The following AP2A2 variants were observed in gnomAD, a reference collection of about 807,000 sequenced individuals.
The protein encoded by AP2A2 is AP-2 complex subunit alpha-2.
In AP2A2, 32 loss-of-function variants were observed where a neutral mutation model predicts 104.2. The observed-to-expected ratio is 0.31, with a 90% CI of 0.23 to 0.41. AP2A2 has a LOEUF of 0.41. Among genes scored for constraint, AP2A2 ranks in the 10% least tolerant of loss-of-function variants. AP2A2 has a pLI of 1.00. For missense variants in AP2A2, 912 were observed against 1,261.0 expected, an observed-to-expected ratio of 0.72 and a Z score of 4.19; for synonymous variants, 539 against 533.3, an observed-to-expected ratio of 1.01 and a Z score of -0.15.
At chr11:979,564 A>G (rs1188793444) in intron 5 of AP2A2, among the ~76,000 whole-genome samples, 1 of 152,114 alleles carries the variant, frequency 6.6e-6, no homozygotes, top group Non-Finnish European at 1.5e-5. Flanking sequence ...CAGTCATTCA[A>G]GTAGACATTT....
At position 968,179 on chromosome 11, in the gene AP2A2, T is replaced by C. The variant is rs1255172596; in HGVS notation, c.137-1990T>C. Among the ~76,000 whole-genome samples, 6 of 152,198 alleles carry C rather than the reference T, an allele frequency of 3.9e-5. No individual in the cohort carries two copies. The highest frequency in any genetic ancestry group is 2.1e-4 in the South Asian group (1 of 4,828). The stretch of plus-strand genomic sequence containing the variant: ...GAGCACTGTGGCTTTCTCCTCGCGC[T>C]GGCGACTTCCGCTGCCCCTCACGGT... On this transcript the variant is annotated intron_variant, in intron 2 of 21. Transcript: ENST00000448903. The surrounding 1 kb of genome is among the most constrained non-coding windows in gnomAD (Gnocchi z 4.2).
chr11:941,780 G>T (rs1853654384), intron 1 of AP2A2, among the ~76,000 whole-genome samples: 1 of 151,476 alleles, frequency 6.6e-6, no homozygotes, highest in African/African-American at 2.4e-5. Flanking sequence ...TAGACATGGG[G>T]TTTTGCCATG....
At chr11:970,439 C>A in intron 3 of AP2A2, 128 bp downstream of exon 3, 2 of 1,196,926 alleles carry the variant, frequency 1.7e-6, no homozygotes, top group Non-Finnish European at 2.3e-6. Context: ...GGGTCTGCTG[C>A]AGATGGAGAC....
chr11:995,903 C>T (rs1165933875), intron 14 of AP2A2, among the ~76,000 whole-genome samples: 1 of 150,564 alleles, frequency 6.6e-6, no homozygotes, highest in Non-Finnish European at 1.5e-5. Context: ...AAAGATGTGA[C>T]TCTTTCTCCC....
chr11:994,175 A>G lies in AP2A2; in HGVS notation c.1886A>G (p.Asp629Gly), dbSNP rs1306749304. Reference protein sequence around the residue: ...KGPSTVTDLEDTKRDRSVDVN... With the variant: ...KGPSTVTDLEGTKRDRSVDVN... Reference sequence around the variant, plus strand: ...CCCAGCACGGTGACAGACCTGGAGGACACCAAGCGGGACAGGAGTGTGGAC... The same window carrying G: ...CCCAGCACGGTGACAGACCTGGAGGGCACCAAGCGGGACAGGAGTGTGGAC... The change falls in exon 14 of 22, where the codon GAC becomes GGC. Residue 629 changes from aspartate (D) to glycine (G), a missense_variant. Around this residue, in one of 7 missense-constraint regions of AP2A2, gnomAD observed 105 missense variants for 90.9 expected, o/e 1.16. Transcript: ENST00000448903. 6.2e-7 allele frequency: 1 copy of G among 1,613,028 alleles called. No homozygotes were observed. Among genetic ancestry groups the G allele is most frequent in the Admixed American group, 1.7e-5 (1 of 60,016 alleles).
Position 1,000,565 on chromosome 11 carries a change from C to T in AP2A2, c.2090C>T (p.Pro697Leu). The T allele has an allele frequency of 1.3e-6, 2 of 1,550,520 alleles. No individual in the cohort carries two copies. Among genetic ancestry groups the T allele is most frequent in the African/African-American group, 1.4e-5 (1 of 73,798 alleles). Residue 697 changes from proline (P) to leucine (L), a missense_variant, in exon 15 of 22, where the codon CCT becomes CTT. Physicochemically the swap from Pro to Leu is moderately conservative, Grantham distance 98. Transcript: ENST00000448903. ...TCAGACTCGGCCTCTGTGGTCGCGC[C>T]TCTCGCTCCTGGCTCCGAAGACAAC... ...VFSDSASVVA[P>L]LAPGSEDNFA...
chr11:952,889 G>A (rs1028810588), intron 1 of AP2A2, among the ~76,000 whole-genome samples: 2 of 152,142 alleles, frequency 1.3e-5, no homozygotes, highest in Admixed American at 1.3e-4. Flanking sequence ...CTCCTGTGAG[G>A]CCCTCTGCCT....
chr11:994,278 G>A (rs755926650), intron 14 of AP2A2, 33 bp downstream of exon 14: 1 of 1,607,296 alleles, frequency 6.2e-7, no homozygotes, highest in Admixed American at 1.7e-5. Flanking sequence ...ACCCAGACCT[G>A]TCAGGGCCTC....
In AP2A2 at chr11:1,008,007, C is replaced by T. The variant is rs776319924; in HGVS notation, c.2297-5C>T. ...TTGCTCAGCTGGATTCCTTAACGCACGCACACCTGAACCTGCAGACCAAGC... is the reference window on the plus strand; with the variant it reads ...TTGCTCAGCTGGATTCCTTAACGCATGCACACCTGAACCTGCAGACCAAGC... On this transcript the variant is annotated splice_polypyrimidine_tract_variant and splice_region_variant and intron_variant, in intron 17 of 21. Transcript: ENST00000448903. 2.4e-5 allele frequency: 37 copies of T among 1,555,070 alleles called. No individual in the cohort carries two copies. The highest frequency in any genetic ancestry group is 1.7e-4 in the Middle Eastern group (1 of 6,016).
At chr11:1,004,450 G>A (rs971209917) in intron 16 of AP2A2, among the ~76,000 whole-genome samples, 35 of 152,224 alleles carry the variant, frequency 2.3e-4, no homozygotes, top group African/African-American at 8.2e-4. Context: ...TACAGCCTGG[G>A]CAACAGAGTG....
intron 10 of AP2A2, among the ~76,000 whole-genome samples, chr11:990,573 C>G (rs1240125965): frequency 6.6e-6 from 1 of 152,198 alleles, no homozygotes; most frequent in African/African-American, 2.4e-5. Context: ...GAGCGGCAAT[C>G]CTCAGCCAGC....
rs1856402712 is a variant in AP2A2 at position 1,010,816 on chromosome 11, C to T, written c.*191C>T. 1.5e-6 allele frequency: 1 copy of T among 660,286 alleles called. No homozygotes were observed. The highest frequency in any genetic ancestry group is 2.7e-6 in the Non-Finnish European group (1 of 364,370). The allele number at this position is 660,286 out of a possible 1,614,324, so 40.9% of individuals were successfully genotyped here. ...CGTGTGTGGCTCAGGAGGAAAAGCTCAGCCTGGACTGTGGCAGCCACGGCA... is the reference window on the plus strand; with the variant it reads ...CGTGTGTGGCTCAGGAGGAAAAGCTTAGCCTGGACTGTGGCAGCCACGGCA... On this transcript the variant is annotated 3_prime_UTR_variant, in exon 22 of 22. Coordinates refer to ENST00000448903, the MANE Select transcript of AP2A2 (RefSeq NM_012305.4).
At chr11:991,658 C>G (rs927815255) in intron 10 of AP2A2, among the ~76,000 whole-genome samples, 1 of 127,686 alleles carries the variant, frequency 7.8e-6, no homozygotes, top group Non-Finnish European at 1.6e-5. Flanking sequence ...GGAAGTGTCA[C>G]GGAGTCAGGT....
At chr11:939,538 A>C (rs1478604085) in intron 1 of AP2A2, among the ~76,000 whole-genome samples, 1 of 151,594 alleles carries the variant, frequency 6.6e-6, no homozygotes, top group Non-Finnish European at 1.5e-5. Context: ...TCTGCCTCTC[A>C]GGTTCAAGTG....
intron 9 of AP2A2, 138 bp downstream of exon 9, chr11:987,091 C>A: frequency 9.4e-7 from 1 of 1,066,920 alleles, no homozygotes; most frequent in Non-Finnish European, 1.3e-6. Flanking sequence ...CTCCGCCTGT[C>A]ACCTACTCTT....
intron 1 of AP2A2, among the ~76,000 whole-genome samples, chr11:930,214 A>G (rs1167449808): frequency 1.3e-5 from 2 of 151,926 alleles, no homozygotes; most frequent in African/African-American, 4.8e-5. Flanking sequence ...TTTCACTTCA[A>G]GTAACCCACT....
chr11:964,758 CTG>C (rs1402407797), intron 2 of AP2A2, among the ~76,000 whole-genome samples: 1 of 149,760 alleles, frequency 6.7e-6, no homozygotes, highest in Non-Finnish European at 1.5e-5. Flanking sequence ...ACCAGAAGGC[CTG>C]TGTTAAAGGA....
rs145496365 is a variant in AP2A2 at position 994,052 on chromosome 11, C to T, written c.1783-20C>T. 5.0e-3 allele frequency: 8,058 copies of T among 1,611,972 alleles called. 35 individuals carry two copies. Among genetic ancestry groups the T allele is most frequent in the Non-Finnish European group, 5.9e-3 (7,004 of 1,179,360 alleles). ...GGAGGCCAGGAGCTCTGACCAGTCCCACCCTGTGTTCTTTCCAAGGCGACC... is the reference window on the plus strand; with the variant it reads ...GGAGGCCAGGAGCTCTGACCAGTCCTACCCTGTGTTCTTTCCAAGGCGACC... On this transcript the variant is annotated intron_variant, in intron 13 of 21. Transcript: ENST00000448903.
At chr11:971,939 G>C in intron 3 of AP2A2, 123 bp from the exon 4 acceptor site, 1 of 910,424 alleles carries the variant, frequency 1.1e-6, no homozygotes, top group Non-Finnish European at 1.6e-6. Context: ...GCAGTGCCCT[G>C]GGTGCGTGGG....
Sources: gnomAD v4.1 joint callset for allele counts (sites outside exome capture counted in the v4.1 genomes callset) on GRCh38, gnomAD v4.1.1 for gene constraint, gnomAD v4.1.1 regional missense constraint, Gnocchi (gnomAD v3.1) non-coding constraint, MANE v1.5 for transcripts, NCBI Gene and HGNC (gene_info 2026-07-23, HGNC 2026-07-21) for gene names.